The following C1orf87 variants were observed in gnomAD, a reference collection of about 807,000 sequenced individuals.
C1orf87 encodes uncharacterized protein C1orf87.
A neutral mutation model predicts 60.5 loss-of-function variants in C1orf87; 58 were observed. The observed-to-expected ratio is 0.96, with a 90% CI of 0.78 to 1.19. The LOEUF is 1.19. Ranked by LOEUF, C1orf87 falls within the 50% of genes most tolerant of loss-of-function variation. C1orf87 has a pLI of 0.00. For missense variants in C1orf87, 673 were observed against 638.6 expected, an observed-to-expected ratio of 1.05 and a Z score of -0.58; for synonymous variants, 236 against 227.4, an observed-to-expected ratio of 1.04 and a Z score of -0.34.
At chr1:60,031,209 G>A (rs1314164751) in intron 7 of C1orf87, among the ~76,000 whole-genome samples, 1 of 152,132 alleles carries the variant, frequency 6.6e-6, no homozygotes, top group Non-Finnish European at 1.5e-5. Flanking sequence ...GTTGAGGTGT[G>A]ATAGTGGCTG....
At chr1:60,001,025 C>T (rs1644999211) in intron 10 of C1orf87, 52 bp downstream of exon 10, 7 of 1,463,296 alleles carry the variant, frequency 4.8e-6, no homozygotes, top group South Asian at 1.2e-5. Flanking sequence ...AGAGAAAAGG[C>T]CAAGTATCCA....
chr1:60,035,839 T>G lies in C1orf87; in HGVS notation c.863+2153A>C, dbSNP rs555430318. Among the ~76,000 whole-genome samples the G allele has an allele frequency of 8.1e-4, 124 of 152,292 alleles. 1 individual carries two copies. Among genetic ancestry groups the G allele is most frequent in the African/African-American group, 2.9e-3 (122 of 41,558 alleles). ...CAGAGTTGGCCAGGACAGCCACAATTCCTAACCTCAAATGTCAAATAAATA... is the reference window on the plus strand; with the variant it reads ...CAGAGTTGGCCAGGACAGCCACAATGCCTAACCTCAAATGTCAAATAAATA... On this transcript the variant is annotated intron_variant, in intron 6 of 11. Transcript: ENST00000371201.
chr1:60,069,415 A>G (rs1645569617), intron 2 of C1orf87, among the ~76,000 whole-genome samples: 1 of 152,168 alleles, frequency 6.6e-6, no homozygotes, highest in Non-Finnish European at 1.5e-5. Flanking sequence ...CAGAGAGTCA[A>G]GTAGAGTGTG....
chr1:60,022,240 T>C (rs1645168838), intron 8 of C1orf87, among the ~76,000 whole-genome samples: 1 of 151,338 alleles, frequency 6.6e-6, no homozygotes, highest in African/African-American at 2.4e-5. Flanking sequence ...ATAAACTAGG[T>C]ATAAGAGTAG....
intron 3 of C1orf87, among the ~76,000 whole-genome samples, chr1:60,051,615 T>C (rs760618798): frequency 4.6e-5 from 7 of 152,284 alleles, no homozygotes; most frequent in Middle Eastern, 3.4e-3. Flanking sequence ...TAAATGATTA[T>C]TGTTATAAAC....
chr1:60,005,108 C>A (rs1002704457), intron 9 of C1orf87, among the ~76,000 whole-genome samples: 1 of 152,000 alleles, frequency 6.6e-6, no homozygotes, highest in Admixed American at 6.6e-5. Context: ...CTGAATGAAG[C>A]TTTTGTGAGA....
At chr1:59,997,138 G>A (rs1644968778) in intron 11 of C1orf87, among the ~76,000 whole-genome samples, 1 of 152,126 alleles carries the variant, frequency 6.6e-6, no homozygotes, top group Admixed American at 6.5e-5. Context: ...TGAAAGGCTG[G>A]GAGTTAGAAA....
intron 2 of C1orf87, among the ~76,000 whole-genome samples, chr1:60,060,358 A>G (rs1309797879): frequency 1.3e-5 from 2 of 152,122 alleles, no homozygotes; most frequent in Non-Finnish European, 2.9e-5. Context: ...ATCCTTATCA[A>G]GATAAAATGT....
At position 60,047,051 on chromosome 1, in the gene C1orf87, C is replaced by T. The variant is rs1645377000; in HGVS notation, c.343-5920G>A. Among the ~76,000 whole-genome samples the T allele has an allele frequency of 2.6e-5, 4 of 152,142 alleles. No homozygotes were observed. In the South Asian group the frequency reaches 8.3e-4, roughly 32 times the overall value. ...TAATTACAGGCAGTCATATGCATTGCTTAATTCCTTTCGTTTTCATTAGGG... is the reference window on the plus strand; with the variant it reads ...TAATTACAGGCAGTCATATGCATTGTTTAATTCCTTTCGTTTTCATTAGGG... On this transcript the variant is annotated intron_variant, in intron 3 of 11. Transcript: ENST00000371201.
chr1:60,037,095 A>G (rs1645283400), intron 6 of C1orf87, among the ~76,000 whole-genome samples: 1 of 152,208 alleles, frequency 6.6e-6, no homozygotes, highest in Admixed American at 6.5e-5. Context: ...AAAGAGAGAG[A>G]GAGAAAACTC....
chr1:59,990,763 G>T lies in C1orf87; in HGVS notation c.1551C>A (p.Ser517Arg), dbSNP rs34727266. 3.1e-6 allele frequency: 5 copies of T among 1,613,972 alleles called. No individual in the cohort carries two copies. The highest frequency in any genetic ancestry group is 4.2e-6 in the Non-Finnish European group (5 of 1,179,980). ...NYNLIYNLSLSPQKIDQALRR... is the reference protein window; with the variant it reads ...NYNLIYNLSLRPQKIDQALRR... ...GCAAGGCCTGGTCGATTTTCTGAGG[G>T]CTCAGGGACAGGTTGTAAATGAGAT... The change falls in exon 12 of 12, where the codon AGC (serine) becomes AGA (arginine). Residue 517 changes from serine to arginine, a missense_variant. Transcript: ENST00000371201.
chr1:60,049,317 C>G (rs933826548), intron 3 of C1orf87, among the ~76,000 whole-genome samples: 7 of 152,036 alleles, frequency 4.6e-5, no homozygotes, highest in African/African-American at 1.7e-4. Flanking sequence ...GAAATTATAT[C>G]TCAGGGCAGA....
intron 8 of C1orf87, among the ~76,000 whole-genome samples, chr1:60,022,159 T>C (rs1273369930): frequency 6.7e-6 from 1 of 149,576 alleles, no homozygotes; most frequent in East Asian, 2.0e-4. Flanking sequence ...ACTCTTGCAG[T>C]GTTTTGAGCA....
At chr1:60,026,095 T>G (rs1239617552) in intron 7 of C1orf87, among the ~76,000 whole-genome samples, 1 of 152,208 alleles carries the variant, frequency 6.6e-6, no homozygotes, top group African/African-American at 2.4e-5. Context: ...TAAATCTTGT[T>G]CTGAACTAGT....
At chr1:60,001,037 G>A (rs1306997048) in intron 10 of C1orf87, 40 bp downstream of exon 10, 1 of 1,542,258 alleles carries the variant, frequency 6.5e-7, no homozygotes. Flanking sequence ...AAGTATCCAT[G>A]AAAACCTTCC....
At chr1:60,046,233 C>CCCTT (rs923527461) in intron 3 of C1orf87, among the ~76,000 whole-genome samples, 1 of 137,574 alleles carries the variant, frequency 7.3e-6, no homozygotes, top group Non-Finnish European at 1.6e-5. Context: ...CCTCCCCCTC[C>CCCTT]CCTTCCTTCC....
At chr1:60,072,516 A>AT (rs1645590961) in intron 2 of C1orf87, 21 bp downstream of exon 2, 1 of 1,536,052 alleles carries the variant, frequency 6.5e-7, no homozygotes, top group Non-Finnish European at 8.9e-7. Context: ...CAACATAGAT[A>AT]TTTTTCAAAT....
intron 3 of C1orf87, among the ~76,000 whole-genome samples, chr1:60,054,871 T>C (rs1430867379): frequency 6.6e-6 from 1 of 152,182 alleles, no homozygotes; most frequent in Non-Finnish European, 1.5e-5. Context: ...AGACAGACTC[T>C]TACCCTCCAA....
intron 7 of C1orf87, 100 bp from the exon 8 acceptor site, chr1:60,025,598 G>T: frequency 2.2e-6 from 2 of 919,010 alleles, no homozygotes; most frequent in Non-Finnish European, 3.2e-6. Context: ...ATAATTGGAA[G>T]CTATATTATT....
Sources: allele counts gnomAD v4.1 joint callset (sites outside exome capture counted in the v4.1 genomes callset), GRCh38; gene constraint gnomAD v4.1.1; transcripts MANE v1.5; gene names NCBI Gene and HGNC (gene_info 2026-07-23, HGNC 2026-07-21).